The following SVIL variants were observed in gnomAD, a reference collection of about 807,000 sequenced individuals.
SVIL encodes supervillin.
In SVIL, 101 loss-of-function variants were observed where a neutral mutation model predicts 240.4. That is an observed-to-expected ratio of 0.42 (90% CI 0.36 to 0.50). The LOEUF is 0.50. SVIL is among the 20% of genes least tolerant of loss of function. The pLI, the probability that SVIL is intolerant of heterozygous loss-of-function variation, is 0.01. For missense variants in SVIL, 2,512 were observed against 2,818.7 expected, an observed-to-expected ratio of 0.89 and a Z score of 2.46; for synonymous variants, 999 against 1,100.0, an observed-to-expected ratio of 0.91 and a Z score of 1.82.
rs180773798 is a variant in SVIL, at chr10:29,532,684, C to T, written c.1683G>A (p.Lys561=). 4 of 1,614,238 alleles carry T rather than the reference C, an allele frequency of 2.5e-6. No homozygotes were observed. The highest frequency in any genetic ancestry group is 4.5e-5 in the East Asian group (2 of 44,876). ...CTCTCCTGGAAGCTGGGTCCTTATA[C>T]TTCAAGGCCTGGAGCTGAGGGGGGC... ...FTGPPQLQAL[K]YKDPASRREL... The change falls in exon 8 of 38, where the codon AAG becomes AAA. Residue 561 remains lysine (K), a synonymous_variant. Transcript: ENST00000355867.
At chr10:29,509,335 GAGAGA>G (rs1564540991) in intron 17 of SVIL, among the ~76,000 whole-genome samples, 51 of 47,148 alleles carry the variant, frequency 1.1e-3, no homozygotes, top group Admixed American at 7.7e-3. Flanking sequence ...GGGAGGGAGA[GAGAGA>G]GAGAGAGAGA....
At chr10:29,517,562 A>G (rs1482665331) in intron 16 of SVIL, among the ~76,000 whole-genome samples, 1 of 152,198 alleles carries the variant, frequency 6.6e-6, no homozygotes, top group African/African-American at 2.4e-5. Flanking sequence ...AAGAACCTGG[A>G]GTTTGTGGAG....
intron 3 of SVIL, among the ~76,000 whole-genome samples, chr10:29,642,290 T>G (rs1958508997): frequency 6.6e-6 from 1 of 151,742 alleles, no homozygotes; most frequent in Non-Finnish European, 1.5e-5. Context: ...TCCCAGCTAC[T>G]CCCGAGGCTG....
Position 29,709,466 on chromosome 10 carries a change from A to G in SVIL, c.-399-22815T>C, listed in dbSNP as rs1963128153. ...CATGTGTTACCTCTCAGCTGCAGATACCCTTCTTTGCCTTCCTTTGAATTA... is the reference window on the plus strand; with the variant it reads ...CATGTGTTACCTCTCAGCTGCAGATGCCCTTCTTTGCCTTCCTTTGAATTA... On this transcript the variant is annotated intron_variant, in intron 1 of 35. Coordinates refer to the SVIL transcript ENST00000375400. 1.3e-5 allele frequency among the ~76,000 whole-genome samples: 2 copies of G among 152,142 alleles called. 1 individual carries two copies. The highest frequency in any genetic ancestry group is 2.9e-5 in the Non-Finnish European group (2 of 68,028).
rs4018662 is a variant in SVIL at position 29,553,118 on chromosome 10, CTT to C, written c.160+1663_160+1664del. On this transcript the variant is annotated intron_variant, in intron 5 of 37. Coordinates refer to ENST00000355867, the MANE Select transcript of SVIL (RefSeq NM_021738.3). ...CTGGTGTTGAGCCACCAAGCCCAGC[CTT>C]TTTTTTTTTTTTTTCAATAATTGCA... Among the ~76,000 whole-genome samples the C allele has an allele frequency of 2.2e-3, 300 of 135,528 alleles. 2 individuals carry two copies. The highest frequency in any genetic ancestry group is 0.02 in the East Asian group (92 of 4,716). The allele number at this position is 135,528 out of a possible 152,430, so 88.9% of individuals were successfully genotyped here.
intron 16 of SVIL, among the ~76,000 whole-genome samples, chr10:29,520,181 AG>A (rs1294214636): frequency 6.6e-6 from 1 of 152,250 alleles, no homozygotes; most frequent in East Asian, 1.9e-4. Context: ...AGCCTTTGAA[AG>A]AAGGGGGCAT....
At chr10:29,536,768 G>T (rs368877791) in intron 6 of SVIL, among the ~76,000 whole-genome samples, 4 of 151,954 alleles carry the variant, frequency 2.6e-5, no homozygotes, top group South Asian at 2.1e-4. Flanking sequence ...AAAATTAGCC[G>T]GGTGTGGTAG....
intron 1 of SVIL, among the ~76,000 whole-genome samples, chr10:29,697,032 G>A (rs1420522697): frequency 1.2e-4 from 16 of 135,114 alleles, no homozygotes; most frequent in African/African-American, 2.3e-4. Flanking sequence ...TCAGCCCCCC[G>A]CCCGGCCAGC....
At chr10:29,602,386 C>T (rs1334371698) in intron 1 of SVIL, 3 of 485,242 alleles carry the variant, frequency 6.2e-6, no homozygotes, top group Non-Finnish European at 1.3e-5. Flanking sequence ...GTCTCACCCT[C>T]CCTTCTCTGC....
intron 1 of SVIL, among the ~76,000 whole-genome samples, chr10:29,702,632 C>G (rs1962607345): frequency 6.6e-6 from 1 of 152,188 alleles, no homozygotes; most frequent in Admixed American, 6.5e-5. Context: ...TTTGGAAACC[C>G]TAACAGCCAT....
upstream of SVIL, among the ~76,000 whole-genome samples, chr10:29,736,936 C>A (rs1442026486): frequency 6.6e-6 from 1 of 152,038 alleles, no homozygotes; most frequent in Non-Finnish European, 1.5e-5. Context: ...GCGCGCGAGT[C>A]CCGGCCAGCG....
rs778632293 is a variant in SVIL, at chr10:29,712,321, G to C, written c.-400+23430C>G. On this transcript the variant is annotated intron_variant, in intron 1 of 35. Coordinates refer to the SVIL transcript ENST00000375400. ...TCATGAATAGATTAATGCTCTTTCTGGGGGGCGGGGAGGCAGTGAGTGAAT... is the reference window on the plus strand; with the variant it reads ...TCATGAATAGATTAATGCTCTTTCTCGGGGGCGGGGAGGCAGTGAGTGAAT... Among the ~76,000 whole-genome samples, 9 of 152,290 alleles carry C rather than the reference G, an allele frequency of 5.9e-5. No homozygotes were observed. In the East Asian group the frequency reaches 9.6e-4, roughly 16 times the overall value.
At chr10:29,670,980 C>T (rs1959727378) in intron 2 of SVIL, 1 of 152,186 alleles carries the variant, frequency 6.6e-6, no homozygotes, top group South Asian at 2.1e-4. Flanking sequence ...CTCTTTCCTC[C>T]CATCCAACCC....
At chr10:29,666,031 T>C (rs1284412151) in intron 2 of SVIL, among the ~76,000 whole-genome samples, 1 of 152,206 alleles carries the variant, frequency 6.6e-6, no homozygotes, top group Non-Finnish European at 1.5e-5. Flanking sequence ...TCCTCCCTCC[T>C]TAGCGTCTCA....
chr10:29,518,436 T>C (rs574750683), intron 16 of SVIL, among the ~76,000 whole-genome samples: 6 of 152,176 alleles, frequency 3.9e-5, no homozygotes, highest in Non-Finnish European at 2.9e-5. Flanking sequence ...CTTTTTAATA[T>C]GTTTCCTTGA....
At chr10:29,674,777 C>G (rs1267698356) in intron 2 of SVIL, among the ~76,000 whole-genome samples, 1 of 152,154 alleles carries the variant, frequency 6.6e-6, no homozygotes, top group Non-Finnish European at 1.5e-5. Context: ...TGGAGGCTCT[C>G]AAGGAGAATC....
At chr10:29,487,407 G>A in intron 23 of SVIL, 108 bp from the exon 24 acceptor site, 1 of 1,238,868 alleles carries the variant, frequency 8.1e-7, no homozygotes, top group South Asian at 1.5e-5. Flanking sequence ...AAAGAGTCTT[G>A]TCTGCTAATA....
intron 1 of SVIL, among the ~76,000 whole-genome samples, chr10:29,709,143 T>C (rs891055587): frequency 1.3e-5 from 2 of 152,140 alleles, no homozygotes; most frequent in Non-Finnish European, 2.9e-5. Context: ...AAAGAAATAA[T>C]ACAGCTTGAG....
At chr10:29,543,509 A>C (rs772311100) in intron 6 of SVIL, among the ~76,000 whole-genome samples, 1 of 152,192 alleles carries the variant, frequency 6.6e-6, no homozygotes, top group Non-Finnish European at 1.5e-5. Flanking sequence ...CTGTTAAATC[A>C]GGTTTCCACA....
Sources: allele counts gnomAD v4.1 joint callset (sites outside exome capture counted in the v4.1 genomes callset), GRCh38; gene constraint gnomAD v4.1.1; transcripts MANE v1.5; gene names NCBI Gene and HGNC (gene_info 2026-07-23, HGNC 2026-07-21).